The following WWOX variants were observed in gnomAD, a reference collection of about 807,000 sequenced individuals.
WWOX encodes the protein WW domain-containing oxidoreductase.
Under a neutral mutation model 46.2 loss-of-function variants are expected in WWOX, and 69 were observed. The ratio of observed to expected loss-of-function variants is 1.49; its 90% confidence interval spans 1.23 to 1.82. WWOX has a LOEUF of 1.82. WWOX is among the 40% of genes most tolerant of loss of function. The pLI is 0.00. For missense variants in WWOX, 919 were observed against 542.6 expected (o/e 1.69, Z -6.89); for synonymous variants, 359 against 202.6 (o/e 1.77, Z -6.56).
intron 8 of WWOX, among the ~76,000 whole-genome samples, chr16:79,064,710 G>C (rs891209705): frequency 1.3e-5 from 2 of 152,358 alleles, no homozygotes; most frequent in South Asian, 4.1e-4. Flanking sequence ...TCAGCCCTGA[G>C]GGAGGAGTGT....
chr16:78,201,851 C>A (rs2036240189), intron 5 of WWOX, among the ~76,000 whole-genome samples: 1 of 152,000 alleles, frequency 6.6e-6, no homozygotes, highest in Non-Finnish European at 1.5e-5. Flanking sequence ...AGGCACGTGC[C>A]ACCATGCCTG....
chr16:79,057,973 G>A (rs1282902821), intron 8 of WWOX, among the ~76,000 whole-genome samples: 5 of 151,926 alleles, frequency 3.3e-5, no homozygotes, highest in Admixed American at 6.6e-5. Context: ...GCTTCTTCTC[G>A]GGCTCTTATT....
chr16:78,602,605 G>C (rs1250727113), intron 8 of WWOX, among the ~76,000 whole-genome samples: 2 of 152,158 alleles, frequency 1.3e-5, no homozygotes, highest in African/African-American at 4.8e-5. Context: ...CCATGCAAAA[G>C]ATAAACTGAA....
chr16:78,852,076 C>G (rs931225869), intron 8 of WWOX, among the ~76,000 whole-genome samples: 1 of 152,116 alleles, frequency 6.6e-6, no homozygotes, highest in Non-Finnish European at 1.5e-5. Flanking sequence ...TTCAAGATGA[C>G]TTTTCATTCT....
intron 8 of WWOX, among the ~76,000 whole-genome samples, chr16:78,638,856 T>C (rs574804651): frequency 6.6e-6 from 1 of 152,266 alleles, no homozygotes; most frequent in African/African-American, 2.4e-5. Context: ...CAGGAATTTT[T>C]TTTTTCTTCT....
At chr16:78,647,233 C>G (rs2046865003) in intron 8 of WWOX, among the ~76,000 whole-genome samples, 1 of 152,116 alleles carries the variant, frequency 6.6e-6, no homozygotes, top group South Asian at 2.1e-4. Context: ...ACACATGGAT[C>G]AGGACAGAGG....
At chr16:79,120,460 T>G (rs528368150) in intron 8 of WWOX, among the ~76,000 whole-genome samples, 38 of 152,242 alleles carry the variant, frequency 2.5e-4, no homozygotes, top group African/African-American at 9.1e-4. Context: ...GAGCCCCCAT[T>G]AGCAGCAAAA....
intron 8 of WWOX, among the ~76,000 whole-genome samples, chr16:78,630,237 T>A (rs2046396100): frequency 6.6e-6 from 1 of 152,222 alleles, no homozygotes; most frequent in Non-Finnish European, 1.5e-5. Context: ...GGTCCTATTT[T>A]GCTCACTGTT....
At chr16:78,997,010 C>A (rs2047003663) in intron 8 of WWOX, among the ~76,000 whole-genome samples, 1 of 152,238 alleles carries the variant, frequency 6.6e-6, no homozygotes, top group African/African-American at 2.4e-5. Flanking sequence ...ATGTGCGTCT[C>A]TGGCAAGTCC....
chr16:79,073,354 A>G (rs1276116483), intron 8 of WWOX, among the ~76,000 whole-genome samples: 2 of 151,680 alleles, frequency 1.3e-5, no homozygotes, highest in African/African-American at 4.8e-5. Context: ...TACTTTTTGT[A>G]TTTTTAGTGG....
intron 8 of WWOX, among the ~76,000 whole-genome samples, chr16:79,027,933 C>G (rs910330089): frequency 3.3e-5 from 5 of 151,574 alleles, no homozygotes; most frequent in African/African-American, 1.2e-4. Flanking sequence ...CTTTATTTTC[C>G]TTTGTTTTTC....
intron 8 of WWOX, among the ~76,000 whole-genome samples, chr16:78,653,109 T>G (rs902582604): frequency 6.6e-6 from 1 of 152,094 alleles, no homozygotes; most frequent in Non-Finnish European, 1.5e-5. Flanking sequence ...AGTGATAGCA[T>G]TTTTTTCAAC....
At chr16:78,776,706 G>A (rs1177004219) in intron 8 of WWOX, among the ~76,000 whole-genome samples, 1 of 152,072 alleles carries the variant, frequency 6.6e-6, no homozygotes, top group Non-Finnish European at 1.5e-5. Context: ...CTGCATGGTC[G>A]GGGAAGCCTC....
chr16:78,354,566 G>A (rs1357857838), intron 5 of WWOX, among the ~76,000 whole-genome samples: 1 of 152,024 alleles, frequency 6.6e-6, no homozygotes, highest in Non-Finnish European at 1.5e-5. Context: ...CATATGCTTA[G>A]AAATATCCAG....
At chr16:78,113,430 C>T (rs986632423) in intron 3 of WWOX, among the ~76,000 whole-genome samples, 5 of 152,332 alleles carry the variant, frequency 3.3e-5, no homozygotes, top group Admixed American at 2.6e-4. Context: ...ACACAATATA[C>T]AAGTGATGGG....
At chr16:78,152,475 C>G (rs1386909907) in intron 4 of WWOX, among the ~76,000 whole-genome samples, 3 of 152,108 alleles carry the variant, frequency 2.0e-5, no homozygotes, top group African/African-American at 7.2e-5. Context: ...CCCAACTGCC[C>G]CCAAATATGT....
intron 5 of WWOX, among the ~76,000 whole-genome samples, chr16:78,353,822 C>G (rs955406842): frequency 3.9e-5 from 6 of 152,212 alleles, no homozygotes; most frequent in Non-Finnish European, 7.3e-5. Flanking sequence ...AGTTGCACAG[C>G]CTGGGCTTGG....
At chr16:78,445,768 C>T (rs531586858) in intron 8 of WWOX, among the ~76,000 whole-genome samples, 133 of 152,008 alleles carry the variant, frequency 8.7e-4, no homozygotes, top group African/African-American at 3.1e-3. Flanking sequence ...GTCCCAGCTA[C>T]TCTAGAGGCT....
chr16:78,747,757 G>T (rs1597540263), intron 8 of WWOX, among the ~76,000 whole-genome samples: 1 of 152,196 alleles, frequency 6.6e-6, no homozygotes, highest in East Asian at 1.9e-4. Flanking sequence ...CCAGCCTACA[G>T]AGGAGATGCT....
Sources: gnomAD v4.1 joint callset for allele counts (sites outside exome capture counted in the v4.1 genomes callset) on GRCh38, gnomAD v4.1.1 for gene constraint, MANE v1.5 for transcripts, NCBI Gene and HGNC (gene_info 2026-07-23, HGNC 2026-07-21) for gene names.